The following ZRANB3 variants were observed in gnomAD, a reference collection of about 807,000 sequenced individuals.
ZRANB3 encodes zinc finger RANBP2-type containing 3, also known as DNA annealing helicase and endonuclease ZRANB3.
In ZRANB3, 125 loss-of-function variants were observed where a neutral mutation model predicts 133.8. The observed-to-expected ratio is 0.93, with a 90% CI of 0.81 to 1.08. The LOEUF (loss-of-function observed/expected upper bound fraction) is 1.08. Among genes scored for constraint, ZRANB3 ranks in the 50% least tolerant of loss-of-function variants. The probability of loss-of-function intolerance (pLI) is 0.00; values close to 1 mark genes in which losing one functional copy is unlikely to be tolerated. For synonymous variants in ZRANB3, 387 were observed against 432.7 expected (o/e 0.89, Z 1.31); for missense variants, 1,229 against 1,275.5 (o/e 0.96, Z 0.56).
chr2:135,348,152 G>A (rs768157160), intron 5 of ZRANB3, among the ~76,000 whole-genome samples: 2 of 151,856 alleles, frequency 1.3e-5, no homozygotes, highest in South Asian at 2.1e-4. Context: ...CCAGCTACTC[G>A]GGAGGCTGAG....
chr2:135,216,601 AT>A (rs577194391), intron 17 of ZRANB3, among the ~76,000 whole-genome samples: 1,441 of 140,670 alleles, frequency 0.01, 6 homozygotes, highest in African/African-American at 0.017. Flanking sequence ...CACCTGGCTA[AT>A]TTTTTTTTTT....
At chr2:135,435,611 C>A (rs544789236) in intron 2 of ZRANB3, among the ~76,000 whole-genome samples, 1 of 152,332 alleles carries the variant, frequency 6.6e-6, no homozygotes, top group South Asian at 2.1e-4. Context: ...CTTCCACCAA[C>A]AGTGTATGTG....
At chr2:135,508,960 G>GTTT (rs1693321725) in intron 1 of ZRANB3, among the ~76,000 whole-genome samples, 1 of 150,350 alleles carries the variant, frequency 6.7e-6, no homozygotes, top group South Asian at 2.1e-4. Context: ...AACTTAAAAG[G>GTTT]TTTTATTCAA....
chr2:135,519,567 T>C (rs976512933), intron 1 of ZRANB3, among the ~76,000 whole-genome samples: 1 of 152,162 alleles, frequency 6.6e-6, no homozygotes, highest in Non-Finnish European at 1.5e-5. Context: ...GAATGCTCCA[T>C]CTCTACTTCA....
chr2:135,375,343 G>A (rs567668906), intron 3 of ZRANB3, among the ~76,000 whole-genome samples: 56 of 152,116 alleles, frequency 3.7e-4, no homozygotes, highest in African/African-American at 1.3e-3. Context: ...ACCTGAGGTC[G>A]GGAGTTCGAG....
At chr2:135,404,418 A>C (rs1687906588) in intron 2 of ZRANB3, among the ~76,000 whole-genome samples, 1 of 152,294 alleles carries the variant, frequency 6.6e-6, no homozygotes, top group Non-Finnish European at 1.5e-5. Flanking sequence ...ATAAAAAGAA[A>C]CGAACAAAGC....
intron 2 of ZRANB3, among the ~76,000 whole-genome samples, chr2:135,499,528 G>A (rs553990277): frequency 1.3e-5 from 2 of 152,084 alleles, no homozygotes; most frequent in South Asian, 4.2e-4. Context: ...AGACAATCCA[G>A]AAGAAAAACA....
intron 8 of ZRANB3, among the ~76,000 whole-genome samples, chr2:135,294,383 A>G (rs1318517430): frequency 2.0e-5 from 3 of 152,156 alleles, no homozygotes; most frequent in African/African-American, 7.2e-5. Flanking sequence ...TTATTTGCAT[A>G]GAGGTGTTTA....
intron 2 of ZRANB3, among the ~76,000 whole-genome samples, chr2:135,470,698 A>C (rs1189040444): frequency 6.6e-6 from 1 of 152,112 alleles, no homozygotes; most frequent in African/African-American, 2.4e-5. Context: ...AAACAAATCA[A>C]AACAGAACAA....
chr2:135,511,311 T>C, intron 1 of ZRANB3: 2 of 911,308 alleles, frequency 2.2e-6, no homozygotes, highest in Admixed American at 3.4e-5. Context: ...CTTTTCCTCT[T>C]GGATTTCAGA....
At chr2:135,448,978 T>C (rs186040081) in intron 2 of ZRANB3, among the ~76,000 whole-genome samples, 2 of 152,214 alleles carry the variant, frequency 1.3e-5, no homozygotes, top group Non-Finnish European at 2.9e-5. Context: ...TGTGGGCCTA[T>C]GACTAAAATA....
At chr2:135,428,426 CAAAAAAAAA>C (rs34645774) in intron 2 of ZRANB3, among the ~76,000 whole-genome samples, 16 of 75,262 alleles carry the variant, frequency 2.1e-4, no homozygotes, top group East Asian at 4.0e-4. Context: ...ACTTTGTTTC[CAAAAAAAAA>C]AAAAAAAAAA....
chr2:135,225,889 G>A (rs1268677686), intron 14 of ZRANB3, among the ~76,000 whole-genome samples: 1 of 152,162 alleles, frequency 6.6e-6, no homozygotes, highest in African/African-American at 2.4e-5. Context: ...TGCAAATAGA[G>A]GAAAGTGTCT....
chr2:135,407,715 A>G (rs1688107234), intron 2 of ZRANB3, among the ~76,000 whole-genome samples: 1 of 151,746 alleles, frequency 6.6e-6, no homozygotes. Flanking sequence ...AAAAACAATA[A>G]ATGGGGAAAG....
At chr2:135,284,103 C>A (rs190159294) in intron 8 of ZRANB3, among the ~76,000 whole-genome samples, 4 of 152,214 alleles carry the variant, frequency 2.6e-5, no homozygotes, top group Admixed American at 1.3e-4. Context: ...TGGAGCCAGA[C>A]AGTCTGGGTT....
At chr2:135,251,756 G>T (rs59290677) in intron 12 of ZRANB3, among the ~76,000 whole-genome samples, 1 of 152,006 alleles carries the variant, frequency 6.6e-6, no homozygotes, top group African/African-American at 2.4e-5. Flanking sequence ...CTCTTTTTCC[G>T]CTGGGCATGG....
At chr2:135,400,860 T>G (rs1343211031) in intron 2 of ZRANB3, among the ~76,000 whole-genome samples, 1 of 152,196 alleles carries the variant, frequency 6.6e-6, no homozygotes, top group East Asian at 1.9e-4. Flanking sequence ...ACATAATTGG[T>G]GGGCCTGGTT....
intron 6 of ZRANB3, among the ~76,000 whole-genome samples, chr2:135,332,260 AAG>A (rs1684181485): frequency 6.6e-6 from 1 of 152,074 alleles, no homozygotes; most frequent in African/African-American, 2.4e-5. Context: ...CCTCCCTATT[AAG>A]TTCCACTGCT....
rs773900077 is a variant in ZRANB3, at chr2:135,315,409, G to T, written c.799C>A (p.Pro267Thr). ...LKTEVLTQLP[P>T]KVRQRIPFDL... ...AATGGAATACGCTGTCTGACTTTAG[G>T]GGGTAGCTGGGTTAAAACTTCAGTC... The change falls in exon 7 of 21, where the codon CCT becomes ACT. Residue 267 changes from proline (P) to threonine (T), a missense_variant. By Grantham distance (38) the Pro-to-Thr change is conservative. Transcript: ENST00000264159. 9 of 1,604,254 alleles carry T rather than the reference G, an allele frequency of 5.6e-6. No homozygotes were observed. Among genetic ancestry groups the T allele is most frequent in the Non-Finnish European group, 7.7e-6 (9 of 1,176,236 alleles).
Sources: gnomAD v4.1 joint callset for allele counts (sites outside exome capture counted in the v4.1 genomes callset) on GRCh38, gnomAD v4.1.1 for gene constraint, MANE v1.5 for transcripts, NCBI Gene and HGNC (gene_info 2026-07-23, HGNC 2026-07-21) for gene names.